The following DNAAF4 variants were observed in gnomAD, a reference collection of about 807,000 sequenced individuals.
DNAAF4 encodes dynein axonemal assembly factor 4.
In DNAAF4, 43 loss-of-function variants were observed where a neutral mutation model predicts 51.8. The observed-to-expected ratio is 0.83, with a 90% CI of 0.65 to 1.07. The LOEUF (loss-of-function observed/expected upper bound fraction) is 1.07, where lower values mean the gene tolerates loss of function less well. Among genes scored for constraint, DNAAF4 ranks in the 50% least tolerant of loss-of-function variants. The pLI is 0.00. For missense variants in DNAAF4, 581 were observed against 493.0 expected, an observed-to-expected ratio of 1.18 and a Z score of -1.69; for synonymous variants, 194 against 165.6, an observed-to-expected ratio of 1.17 and a Z score of -1.32.
At chr15:55,420,833 ACT>A (rs1448208193) in intron 7 of DNAAF4, among the ~76,000 whole-genome samples, 1 of 152,140 alleles carries the variant, frequency 6.6e-6, no homozygotes, top group African/African-American at 2.4e-5. Context: ...GAATCTAGAT[ACT>A]AACCTAAAAT....
intron 6 of DNAAF4, among the ~76,000 whole-genome samples, chr15:55,439,827 C>T (rs531648444): frequency 6.6e-6 from 1 of 152,006 alleles, no homozygotes; most frequent in Admixed American, 6.6e-5. Flanking sequence ...GCTCCCAAAA[C>T]GAGTTTATCC....
intron 4 of DNAAF4, among the ~76,000 whole-genome samples, chr15:55,489,479 A>G (rs536553667): frequency 1.4e-4 from 22 of 152,032 alleles, no homozygotes; most frequent in South Asian, 4.1e-4. Context: ...CTCGACACCA[A>G]CCTGGCCAAT....
chr15:55,497,704 G>T lies in DNAAF4; in HGVS notation c.271+8C>A. 1.3e-6 allele frequency: 2 copies of T among 1,594,838 alleles called. No homozygotes were observed. Among genetic ancestry groups the T allele is most frequent in the Non-Finnish European group, 1.7e-6 (2 of 1,173,866 alleles). ...AACCAGATGAACATCTTTTAATAAA[G>T]AACTTACCACCCGTCACAGAAAGGG... On this transcript the variant is annotated splice_region_variant and intron_variant, in intron 3 of 9. Coordinates refer to ENST00000321149, the MANE Select transcript of DNAAF4 (RefSeq NM_130810.4).
chr15:55,444,861 GTAT>G (rs1181911600), intron 6 of DNAAF4, among the ~76,000 whole-genome samples: 1 of 152,016 alleles, frequency 6.6e-6, no homozygotes, highest in East Asian at 1.9e-4. Context: ...TGTTATTGGT[GTAT>G]AAGAATGCTT....
At chr15:55,440,664 G>A (rs187923453) in intron 6 of DNAAF4, among the ~76,000 whole-genome samples, 2 of 137,202 alleles carry the variant, frequency 1.5e-5, no homozygotes, top group African/African-American at 5.5e-5. Context: ...ACTGCACCTG[G>A]CCATATTTAT....
chr15:55,427,973 A>AC (rs2057447634), downstream of DNAAF4, among the ~76,000 whole-genome samples: 2 of 150,456 alleles, frequency 1.3e-5, no homozygotes, highest in Admixed American at 6.7e-5. Flanking sequence ...TTTTTTGGAG[A>AC]TGGAGTTTCA....
intron 3 of DNAAF4, among the ~76,000 whole-genome samples, chr15:55,496,218 G>A (rs960044064): frequency 2.0e-5 from 3 of 152,136 alleles, no homozygotes; most frequent in Non-Finnish European, 2.9e-5. Context: ...GTGACTGAGC[G>A]AGACTCTGTC....
chr15:55,438,593 C>A (rs1161410726), intron 7 of DNAAF4, among the ~76,000 whole-genome samples: 3 of 151,804 alleles, frequency 2.0e-5, no homozygotes, highest in African/African-American at 7.3e-5. Context: ...ACCAGCTTGA[C>A]CAACATGGTG....
At chr15:55,447,779 A>AGAGAGGGGAGAGGG (rs1162522677) in intron 6 of DNAAF4, among the ~76,000 whole-genome samples, 6 of 80,286 alleles carry the variant, frequency 7.5e-5, no homozygotes, top group Admixed American at 1.7e-4. Flanking sequence ...CCGTGGAAAG[A>AGAGAGGGGAGAGGG]GAGAGGGGAG....
chr15:55,496,443 A>G (rs2058642183), intron 3 of DNAAF4, among the ~76,000 whole-genome samples: 1 of 152,216 alleles, frequency 6.6e-6, no homozygotes, highest in Non-Finnish European at 1.5e-5. Context: ...CTCCAGTTCC[A>G]GGCTGCCAGT....
intron 7 of DNAAF4, among the ~76,000 whole-genome samples, chr15:55,421,188 A>AAG (rs1491250164): frequency 4.5e-4 from 14 of 31,016 alleles, no homozygotes; most frequent in Non-Finnish European, 8.8e-4. Context: ...AGACTATCTC[A>AAG]AAAAAAAAAA....
chr15:55,457,828 T>C (rs1025676635), intron 5 of DNAAF4, among the ~76,000 whole-genome samples: 3 of 152,104 alleles, frequency 2.0e-5, no homozygotes, highest in African/African-American at 7.2e-5. Flanking sequence ...CCAGAACAGG[T>C]GCTGGTATCC....
At chr15:55,486,267 C>T (rs2058487995) in intron 4 of DNAAF4, among the ~76,000 whole-genome samples, 1 of 150,802 alleles carries the variant, frequency 6.6e-6, no homozygotes, top group African/African-American at 2.4e-5. Context: ...GATCTCAGCT[C>T]ACTGCAACCT....
rs767679699 is a variant in DNAAF4, at chr15:55,467,136, A to G, written c.431T>C (p.Ile144Thr). 1.9e-6 allele frequency: 3 copies of G among 1,538,656 alleles called. No individual in the cohort carries two copies. The highest frequency in any genetic ancestry group is 1.4e-5 in the African/African-American group (1 of 70,588). ...CCGTTCATTTTCTTTCATATCTTCTATTTTTTTCCTCTCTTCTTCTTCAAT... is the reference window on the plus strand; with the variant it reads ...CCGTTCATTTTCTTTCATATCTTCTGTTTTTTTCCTCTCTTCTTCTTCAAT... The part of the protein sequence containing the change: ...MKIEEEERKK[I>T]EDMKENERIK... The change falls in exon 5 of 10, where the codon ATA (isoleucine) becomes ACA (threonine). Residue 144 changes from isoleucine to threonine, a missense_variant. Physicochemically the swap from Ile to Thr is moderately conservative, Grantham distance 89. Transcript: ENST00000321149.
intron 4 of DNAAF4, among the ~76,000 whole-genome samples, chr15:55,479,461 C>G (rs2058379172): frequency 6.6e-6 from 1 of 152,012 alleles, no homozygotes. Context: ...ATTGTGTTAA[C>G]TGTACAAACT....
chr15:55,457,263 G>A (rs901890094), intron 5 of DNAAF4, among the ~76,000 whole-genome samples: 6 of 152,116 alleles, frequency 3.9e-5, no homozygotes, highest in Admixed American at 6.6e-5. Flanking sequence ...TGGGAGCTAG[G>A]TGAGGCCTGT....
chr15:55,428,517 T>TG (rs2057454745), downstream of DNAAF4, among the ~76,000 whole-genome samples: 1 of 129,200 alleles, frequency 7.7e-6, no homozygotes, highest in Admixed American at 8.4e-5. Flanking sequence ...TTTTTTGAGA[T>TG]GGAGTCTTGC....
intron 4 of DNAAF4, among the ~76,000 whole-genome samples, chr15:55,480,209 G>T (rs1002852137): frequency 6.6e-6 from 1 of 152,102 alleles, no homozygotes; most frequent in African/African-American, 2.4e-5. Flanking sequence ...CTACCGATAT[G>T]TGATGTCACC....
At chr15:55,471,722 C>T (rs1375101535) in intron 4 of DNAAF4, among the ~76,000 whole-genome samples, 1 of 151,998 alleles carries the variant, frequency 6.6e-6, no homozygotes, top group East Asian at 1.9e-4. Flanking sequence ...ACTGTGTTAG[C>T]CAGGATGGTC....
Sources: allele counts gnomAD v4.1 joint callset (sites outside exome capture counted in the v4.1 genomes callset), GRCh38; gene constraint gnomAD v4.1.1; transcripts MANE v1.5; gene names NCBI Gene and HGNC (gene_info 2026-07-23, HGNC 2026-07-21).